Variants in FOXO1 observed in about 807,000 individuals in gnomAD.
FOXO1 encodes forkhead box O1, also known as forkhead box protein O1.
Under a neutral mutation model 44.1 loss-of-function variants are expected in FOXO1, and 6 were observed. The ratio of observed to expected loss-of-function variants is 0.14; its 90% confidence interval spans 0.07 to 0.27. The LOEUF (loss-of-function observed/expected upper bound fraction) is 0.27. Among genes scored for constraint, FOXO1 ranks in the 10% least tolerant of loss-of-function variants. The pLI, the probability that FOXO1 is intolerant of heterozygous loss-of-function variation, is 1.00. For missense variants in FOXO1, 737 were observed against 888.8 expected (o/e 0.83, Z 2.17); for synonymous variants, 380 against 362.7 (o/e 1.05, Z -0.54).
At position 40,555,824 on chromosome 13, in the gene FOXO1, G is replaced by A. The variant is rs970238566; in HGVS notation, c.*3225C>T. The A allele has an allele frequency of 6.6e-6, 1 of 152,632 alleles. No homozygotes were observed. Among genetic ancestry groups the A allele is most frequent in the African/African-American group, 2.4e-5 (1 of 41,442 alleles). The allele number at this position is 152,632 out of a possible 1,614,324, so 9.5% of individuals were successfully genotyped here. A position where few individuals can be genotyped will look rare whatever the true frequency, so the allele number is the denominator to read the frequency against. ...CAATTATAGCAAAGATTGTTCTTGT[G>A]TCTGTAAGTACATCAACATCAGGCA... On this transcript the variant is annotated 3_prime_UTR_variant, in exon 3 of 3. Coordinates refer to ENST00000379561, the MANE Select transcript of FOXO1 (RefSeq NM_002015.4).
chr13:40,665,494 G>T, intron 1 of FOXO1, 89 bp downstream of exon 1: 1 of 1,146,858 alleles, frequency 8.7e-7, no homozygotes, highest in Non-Finnish European at 1.1e-6. Flanking sequence ...CTCCTGCTCC[G>T]CACCTTCAGG....
At chr13:40,571,354 T>G in intron 1 of FOXO1, among the ~76,000 whole-genome samples, 1 of 152,136 alleles carries the variant, frequency 6.6e-6, no homozygotes, top group Admixed American at 6.5e-5. Flanking sequence ...ACATGTACCC[T>G]AGAACTTAAA....
intron 1 of FOXO1, among the ~76,000 whole-genome samples, chr13:40,658,302 C>T (rs1470525670): frequency 2.0e-5 from 3 of 151,848 alleles, no homozygotes; most frequent in African/African-American, 4.9e-5. Context: ...CTCAACAGAC[C>T]CTGAGAAAGA....
intron 1 of FOXO1, among the ~76,000 whole-genome samples, chr13:40,638,813 G>A (rs1877248696): frequency 4.6e-5 from 7 of 152,148 alleles, no homozygotes; most frequent in Admixed American, 3.9e-4. Context: ...ATGAGGCACT[G>A]AAGGCAGTAG....
rs113878295 is a variant in FOXO1, at chr13:40,595,882, G to A, written c.631-35022C>T. 6.6e-5 allele frequency among the ~76,000 whole-genome samples: 10 copies of A among 151,244 alleles called. 1 individual carries two copies. Among genetic ancestry groups the A allele is most frequent in the African/African-American group, 2.4e-4 (10 of 41,158 alleles). On this transcript the variant is annotated intron_variant, in intron 1 of 2. Coordinates refer to ENST00000379561, the MANE Select transcript of FOXO1 (RefSeq NM_002015.4). ...ATTTGGACTGCTGGCTACAAACAGTGACATGTGAGTCTCTTTCCCTCTGGT... is the reference window on the plus strand; with the variant it reads ...ATTTGGACTGCTGGCTACAAACAGTAACATGTGAGTCTCTTTCCCTCTGGT...
chr13:40,638,884 A>T (rs1458634400), intron 1 of FOXO1, among the ~76,000 whole-genome samples: 1 of 152,040 alleles, frequency 6.6e-6, no homozygotes, highest in African/African-American at 2.4e-5. Context: ...GCAGCGCACC[A>T]CCTCTGTAAC....
chr13:40,570,312 A>G (rs1178996105), intron 1 of FOXO1, among the ~76,000 whole-genome samples: 3 of 151,846 alleles, frequency 2.0e-5, no homozygotes, highest in Non-Finnish European at 4.4e-5. Flanking sequence ...CTGTCTCCAA[A>G]AAAAAAAATA....
chr13:40,628,365 AC>A (rs1876855417), intron 1 of FOXO1, among the ~76,000 whole-genome samples: 1 of 151,212 alleles, frequency 6.6e-6, no homozygotes, highest in African/African-American at 2.4e-5. Context: ...TTACACACAC[AC>A]ACACACACAC....
At chr13:40,664,978 G>C (rs1046000271) in intron 1 of FOXO1, among the ~76,000 whole-genome samples, 2 of 151,954 alleles carry the variant, frequency 1.3e-5, no homozygotes, top group Admixed American at 1.3e-4. Flanking sequence ...CCCGGCACTC[G>C]AGGCCACTCC....
intron 1 of FOXO1, among the ~76,000 whole-genome samples, chr13:40,640,385 T>C (rs1324306876): frequency 6.6e-6 from 1 of 152,242 alleles, no homozygotes; most frequent in Non-Finnish European, 1.5e-5. Context: ...TGAACTACAC[T>C]ACACTCTCTC....
intron 1 of FOXO1, among the ~76,000 whole-genome samples, chr13:40,642,349 C>T (rs971328801): frequency 6.6e-6 from 1 of 152,162 alleles, no homozygotes; most frequent in Non-Finnish European, 1.5e-5. Flanking sequence ...AATGGGCATT[C>T]CCTCAACCAG....
rs1199232111 is a variant in FOXO1, at chr13:40,560,727, G to A, written c.764C>T (p.Ala255Val). 4 of 1,614,170 alleles carry A rather than the reference G, an allele frequency of 2.5e-6. No individual in the cohort carries two copies. Among genetic ancestry groups the A allele is most frequent in the East Asian group, 2.2e-5 (1 of 44,882 alleles). Residue 255 changes from alanine (A) to valine (V), a missense_variant, in exon 2 of 3, where the codon GCA becomes GTA. Transcript: ENST00000379561. The surrounding 1 kb of genome is among the most constrained non-coding windows in gnomAD (Gnocchi z 5.1). ...AAATTTACTGTTGTTGTCCATGGAT[G>A]CAGCTCTTCTCCTAGGAGATTTCCC... is the stretch of plus-strand genomic sequence containing the variant. ...KSGKSPRRRA[A>V]SMDNNSKFAK... is the part of the protein sequence containing the mutation.
In FOXO1 at chr13:40,665,641, A is replaced by G; in HGVS notation, c.572T>C (p.Val191Ala). 6.6e-7 allele frequency: 1 copy of G among 1,516,204 alleles called. No homozygotes were observed. Among genetic ancestry groups the G allele is most frequent in the Non-Finnish European group, 8.9e-7 (1 of 1,124,222 alleles). The allele number at this position is 1,516,204 out of a possible 1,614,324, so 93.9% of individuals were successfully genotyped here. A position where few individuals can be genotyped will look rare whatever the true frequency, so the allele number is the denominator to read the frequency against. Residue 191 changes from valine to alanine, a missense_variant, in exon 1 of 3, where the codon GTC (valine) becomes GCC (alanine). This residue lies in a region of FOXO1 where 49 missense variants were observed against 50.2 expected (regional missense o/e 0.98). Coordinates refer to ENST00000379561, the MANE Select transcript of FOXO1 (RefSeq NM_002015.4). ...ATCCTTGAAGTAGGGCACGCTCTTG[A>G]CCATCCACTCGTAGATCTGCGACAG... ...LTLSQIYEWM[V>A]KSVPYFKDKG...
chr13:40,658,390 A>C (rs1475921709), intron 1 of FOXO1, among the ~76,000 whole-genome samples: 2 of 152,200 alleles, frequency 1.3e-5, no homozygotes, highest in African/African-American at 2.4e-5. Context: ...TAGGGAAAGA[A>C]CTAACTAGAC....
chr13:40,597,253 T>A (rs913201580), intron 1 of FOXO1, among the ~76,000 whole-genome samples: 1 of 152,254 alleles, frequency 6.6e-6, no homozygotes, highest in African/African-American at 2.4e-5. Context: ...AGGACTATTA[T>A]AATTATTATT....
At chr13:40,659,791 G>A (rs542202321) in intron 1 of FOXO1, among the ~76,000 whole-genome samples, 27 of 152,264 alleles carry the variant, frequency 1.8e-4, no homozygotes, top group African/African-American at 4.3e-4. Context: ...GGGAGAAGAC[G>A]GAATAGAGTA....
chr13:40,629,488 G>T (rs1446995146), intron 1 of FOXO1, among the ~76,000 whole-genome samples: 1 of 152,158 alleles, frequency 6.6e-6, no homozygotes, highest in East Asian at 1.9e-4. Context: ...GCCTCTAGAG[G>T]TATATCAAGT....
intron 1 of FOXO1, among the ~76,000 whole-genome samples, chr13:40,629,273 G>A (rs1400042649): frequency 6.6e-6 from 1 of 152,006 alleles, no homozygotes; most frequent in Non-Finnish European, 1.5e-5. Flanking sequence ...CTCCCGAGTA[G>A]CTGGGATTAC....
At chr13:40,565,894 C>T (rs950364684) in intron 1 of FOXO1, among the ~76,000 whole-genome samples, 1 of 152,204 alleles carries the variant, frequency 6.6e-6, no homozygotes, top group Non-Finnish European at 1.5e-5. Context: ...TCTCACTTAA[C>T]ATGAGGCTTT....
Sources: gnomAD v4.1 joint callset for allele counts (sites outside exome capture counted in the v4.1 genomes callset) on GRCh38, gnomAD v4.1.1 for gene constraint, gnomAD v4.1.1 regional missense constraint, Gnocchi (gnomAD v3.1) non-coding constraint, MANE v1.5 for transcripts, NCBI Gene and HGNC (gene_info 2026-07-23, HGNC 2026-07-21) for gene names.